SAMD11: variants seen among roughly 807,000 people sequenced by gnomAD.
SAMD11 encodes the protein sterile alpha motif domain containing 11, also known as sterile alpha motif domain-containing protein 11.
Under a neutral mutation model 64.4 loss-of-function variants are expected in SAMD11, and 77 were observed. That is an observed-to-expected ratio of 1.20 (90% CI 0.99 to 1.44). SAMD11 has a LOEUF of 1.44. Among genes scored for constraint, SAMD11 ranks in the 40% most tolerant of loss-of-function variants. The pLI, the probability that SAMD11 is intolerant of heterozygous loss-of-function variation, is 0.00. For synonymous variants in SAMD11, 658 were observed against 421.9 expected, an observed-to-expected ratio of 1.56 and a Z score of -6.86; for missense variants, 1,402 against 943.3, an observed-to-expected ratio of 1.49 and a Z score of -6.37.
At position 942,495 on chromosome 1, in the gene SAMD11, G is replaced by T; in HGVS notation, c.1553+7G>T. The stretch of plus-strand genomic sequence containing the variant: ...GGAAGCAGAACCTGGCCCGGTAGGT[G>T]CGGGGAGGCGGGCGGGGCCGCGCGG... On this transcript the variant is annotated splice_region_variant and intron_variant, in intron 10 of 13. Coordinates refer to ENST00000616016, the MANE Select transcript of SAMD11 (RefSeq NM_001385641.1). 2 of 1,467,304 alleles carry T rather than the reference G, an allele frequency of 1.4e-6. No individual in the cohort carries two copies. Among genetic ancestry groups the T allele is most frequent in the Non-Finnish European group, 1.8e-6 (2 of 1,115,660 alleles). The allele number at this position is 1,467,304 out of a possible 1,614,324, so 90.9% of individuals were successfully genotyped here. A position where few individuals can be genotyped will look rare whatever the true frequency, so the allele number is the denominator to read the frequency against.
Position 942,609 on chromosome 1 carries a change from G to A in SAMD11, c.1604G>A (p.Arg535His), listed in dbSNP as rs779679933. The stretch of plus-strand genomic sequence containing the variant: ...CGGCAGAAGGAGCTGGAGAGCGCGC[G>A]CCCACAGCTGCTGGCGCCCGAGACC... ...LLRQKELESA[R>H]PQLLAPETAL... The change falls in exon 11 of 14, where the codon CGC becomes CAC. Residue 535 changes from arginine (R) to histidine (H), a missense_variant. Arg to His is a conservative substitution (Grantham distance 29). Coordinates refer to ENST00000616016, the MANE Select transcript of SAMD11 (RefSeq NM_001385641.1). 2.8e-6 allele frequency: 4 copies of A among 1,436,076 alleles called. No homozygotes were observed. The highest frequency in any genetic ancestry group is 3.0e-5 in the African/African-American group (2 of 66,764). 89.0% of individuals were successfully genotyped at this position (1,436,076 alleles called of 1,614,324 possible).
rs535863124 is a variant in SAMD11 at position 944,165 on chromosome 1, G to T, written c.*12G>T. On this transcript the variant is annotated 3_prime_UTR_variant, in exon 14 of 14. Transcript: ENST00000616016. ...AGCCTCTGTGTTGAGGTTGCCGGGG[G>T]TAGGGGTGGGGCCACACAAATCTCC... 1.0e-5 allele frequency: 16 copies of T among 1,533,314 alleles called. No individual in the cohort carries two copies. The African/African-American group carries it at 2.1e-4, about 20-fold the overall frequency. 95.0% of individuals were successfully genotyped at this position (1,533,314 alleles called of 1,614,324 possible).
intron 9 of SAMD11, 45 bp from the exon 10 acceptor site, chr1:942,365 A>G: frequency 8.1e-7 from 1 of 1,230,990 alleles, no homozygotes; most frequent in South Asian, 1.5e-5. Context: ...GCCGGCTCGG[A>G]CCGCCTCGGA....
chr1:932,204 A>T (rs2341360), intron 4 of SAMD11, among the ~76,000 whole-genome samples: 146,569 of 152,320 alleles, frequency 0.96, 70,757 homozygotes, highest in Middle Eastern at 1. Flanking sequence ...AGCCTTTTAC[A>T]TGGGACACTA....
At chr1:941,351 C>T (rs781594351) in intron 8 of SAMD11, 45 bp downstream of exon 8, 12 of 1,465,028 alleles carry the variant, frequency 8.2e-6, no homozygotes, top group African/African-American at 4.2e-5. Context: ...GGGGTGCCGC[C>T]CGCACCCCCG....
chr1:936,092 C>CGCTGTG (rs1641420801), intron 5 of SAMD11, among the ~76,000 whole-genome samples, 196 bp downstream of exon 5: 1 of 152,222 alleles, frequency 6.6e-6, no homozygotes, highest in Admixed American at 6.5e-5. Flanking sequence ...GCGGTGGCTC[C>CGCTGTG]GCTGTGGCTG....
At chr1:926,611 C>G (rs933050479) in intron 2 of SAMD11, among the ~76,000 whole-genome samples, 3 of 152,172 alleles carry the variant, frequency 2.0e-5, no homozygotes, top group African/African-American at 7.2e-5. Flanking sequence ...TTCAAGGCCC[C>G]AACCCAGGGT....
intron 7 of SAMD11, among the ~76,000 whole-genome samples, chr1:940,697 C>T (rs1455372055): frequency 6.6e-6 from 1 of 152,230 alleles, no homozygotes; most frequent in East Asian, 1.9e-4. Flanking sequence ...CGGGCGCTGC[C>T]TTGCCTTTGT....
rs1336345444 is a variant in SAMD11, at chr1:939,260, G to T, written c.1058-15G>T. The T allele has an allele frequency of 1.3e-6, 2 of 1,582,788 alleles. No homozygotes were observed. The highest frequency in any genetic ancestry group is 1.7e-6 in the Non-Finnish European group (2 of 1,164,528). ...GTGCCTGGAGAAACCTCTCACCCCG[G>T]GTCCTCCCCAGCAGAGGCGCTGCTG... On this transcript the variant is annotated splice_polypyrimidine_tract_variant and intron_variant, in intron 6 of 13. Transcript: ENST00000616016.
chr1:929,403 G>A (rs527402299), intron 2 of SAMD11, among the ~76,000 whole-genome samples: 11 of 152,348 alleles, frequency 7.2e-5, no homozygotes, highest in African/African-American at 1.2e-4. Flanking sequence ...AGGGCTCCTC[G>A]TCTGGTGACC....
In SAMD11 at chr1:943,678, T is replaced by G; in HGVS notation, c.2179-20T>G. 1 of 1,194,576 alleles carries G rather than the reference T, an allele frequency of 8.4e-7. No homozygotes were observed. The highest frequency in any genetic ancestry group is 1.2e-6 in the Non-Finnish European group (1 of 861,904). The allele number at this position is 1,194,576 out of a possible 1,614,324, so 74.0% of individuals were successfully genotyped here. On this transcript the variant is annotated intron_variant, in intron 12 of 13. Transcript: ENST00000616016. ...TGGAGCAGCACCCGGGTCCTGACCC[T>G]CCCTCCCTCCCCCTTCCAGGTCTTC...
chr1:943,344 G>A lies in SAMD11; in HGVS notation c.2145G>A (p.Val715=), dbSNP rs1198509075. Residue 715 remains valine (V), a synonymous_variant, in exon 12 of 14, where the codon GTG becomes GTA. Coordinates refer to ENST00000616016, the MANE Select transcript of SAMD11 (RefSeq NM_001385641.1). ...KWTVDDVCSF[V]GGLSGCGEYT... is the part of the protein sequence containing the mutation. ...CCGTGGATGACGTCTGCAGCTTCGT[G>A]GGGGGCCTGTCTGGCTGTGGAGAGT... 6.3e-7 allele frequency: 1 copy of A among 1,596,916 alleles called. No individual in the cohort carries two copies. The highest frequency in any genetic ancestry group is 8.5e-7 in the Non-Finnish European group (1 of 1,170,898).
chr1:936,693 G>C (rs1214565305), intron 5 of SAMD11, among the ~76,000 whole-genome samples: 1 of 152,128 alleles, frequency 6.6e-6, no homozygotes, highest in Non-Finnish European at 1.5e-5. Context: ...AGGGGTGGGG[G>C]AGGCCCACCC....
chr1:929,197 G>A (rs1162278898), intron 2 of SAMD11, among the ~76,000 whole-genome samples: 2 of 152,236 alleles, frequency 1.3e-5, no homozygotes, highest in Non-Finnish European at 2.9e-5. Flanking sequence ...AGGGTGCCGC[G>A]GGCACGTCCG....
rs759765733 is a variant in SAMD11, at chr1:942,214, C to A, written c.1437C>A (p.Pro479=). The A allele has an allele frequency of 1.5e-6, 2 of 1,361,826 alleles. No homozygotes were observed. The highest frequency in any genetic ancestry group is 2.8e-5 in the East Asian group (1 of 35,434). The allele number at this position is 1,361,826 out of a possible 1,614,324, so 84.4% of individuals were successfully genotyped here. Reference sequence around the variant, plus strand: ...CCCTGGGCCCCCATCTCAGGCCCCCCTTCCTGGGGGTGCCCTCGGCTCTGT... The same window carrying A: ...CCCTGGGCCCCCATCTCAGGCCCCCATTCCTGGGGGTGCCCTCGGCTCTGT... The part of the protein sequence containing the change: ...HVALGPHLRP[P]FLGVPSALCQ... The change falls in exon 9 of 14, where the codon CCC becomes CCA. Residue 479 remains proline (P), a synonymous_variant. Transcript: ENST00000616016.
At position 942,838 on chromosome 1, in the gene SAMD11, G is replaced by A. The variant is rs1393992058; in HGVS notation, c.1833G>A (p.Lys611=). The part of the protein sequence containing the change: ...GPASARPSES[K]EMTGARLWAQ... ...CCTCAGCGCGGCCCAGCGAGTCCAA[G>A]GAGATGACGGGGGCTAGGCTCTGGG... Residue 611 remains lysine (K), a synonymous_variant, in exon 11 of 14, where the codon AAG becomes AAA. Coordinates refer to ENST00000616016, the MANE Select transcript of SAMD11 (RefSeq NM_001385641.1). The A allele has an allele frequency of 2.0e-5, 31 of 1,551,248 alleles. No homozygotes were observed. Among genetic ancestry groups the A allele is most frequent in the Non-Finnish European group, 2.6e-5 (30 of 1,147,526 alleles).
At chr1:939,896 A>G (rs1280184893) in intron 7 of SAMD11, among the ~76,000 whole-genome samples, 1 of 152,100 alleles carries the variant, frequency 6.6e-6, no homozygotes, top group African/African-American at 2.4e-5. Flanking sequence ...CAGGTGCTGA[A>G]GAGACGCCAG....
At chr1:943,225 A>G (rs950382723) in intron 11 of SAMD11, 28 bp from the exon 12 acceptor site, 1 of 1,612,164 alleles carries the variant, frequency 6.2e-7, no homozygotes, top group Non-Finnish European at 8.5e-7. Flanking sequence ...AGCCAGCCAG[A>G]GCCCTAGTAA....
Position 942,842 on chromosome 1 carries a change from A to G in SAMD11, c.1837A>G (p.Met613Val), listed in dbSNP as rs981968198. Residue 613 changes from methionine (M) to valine (V), a missense_variant, in exon 11 of 14, where the codon ATG (methionine) becomes GTG (valine). Met to Val is a conservative substitution (Grantham distance 21). Transcript: ENST00000616016. ...AGCGCGGCCCAGCGAGTCCAAGGAGATGACGGGGGCTAGGCTCTGGGCACA... is the reference window on the plus strand; with the variant it reads ...AGCGCGGCCCAGCGAGTCCAAGGAGGTGACGGGGGCTAGGCTCTGGGCACA... ...ASARPSESKEMTGARLWAQDG... is the reference protein window; with the variant it reads ...ASARPSESKEVTGARLWAQDG... 2 of 1,550,538 alleles carry G rather than the reference A, an allele frequency of 1.3e-6. No individual in the cohort carries two copies. The highest frequency in any genetic ancestry group is 2.4e-5 in the East Asian group (1 of 40,932).
Sources: gnomAD v4.1 joint callset for allele counts (sites outside exome capture counted in the v4.1 genomes callset) on GRCh38, gnomAD v4.1.1 for gene constraint, MANE v1.5 for transcripts, NCBI Gene and HGNC (gene_info 2026-07-23, HGNC 2026-07-21) for gene names.